Variants in STAC3 observed in about 807,000 individuals in gnomAD.
STAC3 encodes SH3 and cysteine-rich domain-containing protein 3.
Under a neutral mutation model 48.5 loss-of-function variants are expected in STAC3, and 30 were observed. The ratio of observed to expected loss-of-function variants is 0.62; its 90% CI spans 0.46 to 0.84. The LOEUF (loss-of-function observed/expected upper bound fraction) is 0.84, where lower values mean the gene tolerates loss of function less well. STAC3 is among the 40% of genes least tolerant of loss of function. The pLI, the probability that STAC3 is intolerant of heterozygous loss-of-function variation, is 0.00. For synonymous variants in STAC3, 144 were observed against 158.6 expected (o/e 0.91, Z 0.69); for missense variants, 419 against 462.6 (o/e 0.91, Z 0.86).
At chr12:57,245,861 G>A (rs2037727222) in intron 6 of STAC3, among the ~76,000 whole-genome samples, 1 of 151,868 alleles carries the variant, frequency 6.6e-6, no homozygotes, top group Non-Finnish European at 1.5e-5. Flanking sequence ...TGTAATCCCA[G>A]CACTTTGGGA....
chr12:57,245,472 G>A (rs992850291), intron 6 of STAC3, among the ~76,000 whole-genome samples: 4 of 149,768 alleles, frequency 2.7e-5, no homozygotes, highest in Non-Finnish European at 4.4e-5. Flanking sequence ...CCAGGTTCAC[G>A]CCATTCTCCT....
intron 5 of STAC3, among the ~76,000 whole-genome samples, chr12:57,247,426 T>C (rs2037773051): frequency 2.4e-5 from 1 of 41,676 alleles, no homozygotes; most frequent in Non-Finnish European, 4.9e-5. Flanking sequence ...ATTATTATTA[T>C]TATTTTTTTT....
intron 5 of STAC3, among the ~76,000 whole-genome samples, chr12:57,247,219 A>G (rs959109097): frequency 6.6e-6 from 1 of 152,040 alleles, no homozygotes; most frequent in East Asian, 1.9e-4. Flanking sequence ...CAGAATCACT[A>G]TTCTCCTTCT....
At chr12:57,246,656 G>A in intron 6 of STAC3, 148 bp downstream of exon 6, 1 of 689,868 alleles carries the variant, frequency 1.4e-6, no homozygotes, top group Non-Finnish European at 2.5e-6. Context: ...AAAGTGCTGG[G>A]ATTACAGGCG....
intron 5 of STAC3, among the ~76,000 whole-genome samples, chr12:57,247,430 T>TA (rs1450346068): frequency 0.029 from 1,467 of 50,674 alleles, 22 homozygotes; most frequent in African/African-American, 0.082. Flanking sequence ...TTATTATTAT[T>TA]TTTTTTTTTT....
intron 5 of STAC3, among the ~76,000 whole-genome samples, chr12:57,247,719 G>A (rs1195419344): frequency 1.3e-5 from 2 of 152,056 alleles, no homozygotes; most frequent in South Asian, 2.1e-4. Context: ...CACCGCGCCC[G>A]GCCTGGGTTG....
intron 6 of STAC3, among the ~76,000 whole-genome samples, chr12:57,245,931 G>T (rs1462751671): frequency 6.6e-6 from 1 of 151,852 alleles, no homozygotes; most frequent in Non-Finnish European, 1.5e-5. Flanking sequence ...CCAACATGGA[G>T]AAATCTCCTC....
At position 57,243,693 on chromosome 12, in the gene STAC3, G is replaced by A. The variant is rs748537376; in HGVS notation, c.*119C>T. 4.3e-6 allele frequency: 4 copies of A among 936,548 alleles called. No homozygotes were observed. The Admixed American group carries it at 7.9e-5, about 19-fold the overall frequency. 58.0% of individuals were successfully genotyped at this position (936,548 alleles called of 1,614,324 possible). A position where few individuals can be genotyped will look rare whatever the true frequency, so the allele number is the denominator to read the frequency against. ...TTCCCGGAAGCCCCGTCGCGCTCAGGCGGGCCTTCCTACCCCTCCTCTCCC... is the reference window on the plus strand; with the variant it reads ...TTCCCGGAAGCCCCGTCGCGCTCAGACGGGCCTTCCTACCCCTCCTCTCCC... On this transcript the variant is annotated 3_prime_UTR_variant, in exon 12 of 12. Transcript: ENST00000332782.
chr12:57,248,266 G>C (rs2037807275), intron 4 of STAC3, 68 bp from the exon 5 acceptor site: 1 of 1,254,400 alleles, frequency 8.0e-7, no homozygotes, highest in South Asian at 1.2e-5. Context: ...TCTCTCCCAG[G>C]AGTGCTCACC....
At position 57,248,813 on chromosome 12, in the gene STAC3, G is replaced by C. The variant is rs181578623; in HGVS notation, c.335-10C>G. The C allele has an allele frequency of 5.0e-6, 8 of 1,611,044 alleles. No individual in the cohort carries two copies. Among genetic ancestry groups the C allele is most frequent in the Non-Finnish European group, 6.8e-6 (8 of 1,177,250 alleles). On this transcript the variant is annotated splice_polypyrimidine_tract_variant and intron_variant, in intron 3 of 11. Transcript: ENST00000332782. ...CCAAACTTGTTGTTGACTTGGGAAAGGGGGAGAAAATTCAGATAAGGTTCC... is the reference window on the plus strand; with the variant it reads ...CCAAACTTGTTGTTGACTTGGGAAACGGGGAGAAAATTCAGATAAGGTTCC...
intron 5 of STAC3, 147 bp from the exon 6 acceptor site, chr12:57,247,048 G>A (rs1008910374): frequency 7.3e-6 from 5 of 682,208 alleles, no homozygotes; most frequent in Admixed American, 6.7e-5. Flanking sequence ...TTAGGGAAGG[G>A]TCAGCTAGGC....
chr12:57,250,262 C>T (rs770224954), intron 1 of STAC3, among the ~76,000 whole-genome samples: 8 of 151,862 alleles, frequency 5.3e-5, no homozygotes, highest in African/African-American at 7.3e-5. Flanking sequence ...TGGTGGCGGA[C>T]GCCTGTAATC....
Position 57,247,726 on chromosome 12 carries a change from G to T in STAC3, c.505+400C>A, listed in dbSNP as rs571383522. ...ACGTGAGCCACCGCGCCCGGCCTGG[G>T]TTGCCAAATTATGAACCTGCCCAGG... On this transcript the variant is annotated intron_variant, in intron 5 of 11. Transcript: ENST00000332782. 2.4e-4 allele frequency among the ~76,000 whole-genome samples: 36 copies of T among 152,208 alleles called. 1 individual carries two copies. The highest frequency in any genetic ancestry group is 2.4e-3 in the Admixed American group (36 of 15,294).
chr12:57,246,017 G>A lies in STAC3; in HGVS notation c.603+787C>T, dbSNP rs896339607. ...CCAGCTACTCGGGAGGCTGAGGCAG[G>A]ATAATCGCTTGGACCCGGGAGGCAG... On this transcript the variant is annotated intron_variant, in intron 6 of 11. Transcript: ENST00000332782. 4.0e-5 allele frequency among the ~76,000 whole-genome samples: 6 copies of A among 149,186 alleles called. No individual in the cohort carries two copies. The East Asian group carries it at 8.3e-4, about 21-fold the overall frequency.
At chr12:57,248,630 C>A (rs1314838321) in intron 4 of STAC3, 76 bp downstream of exon 4, 1 of 1,199,046 alleles carries the variant, frequency 8.3e-7, no homozygotes, top group Non-Finnish European at 1.2e-6. Context: ...ACCTCAGCCT[C>A]CCAAAGTGCT....
chr12:57,247,419 ATTATTATTATTT>A (rs1472889582), intron 5 of STAC3, among the ~76,000 whole-genome samples: 5,607 of 87,396 alleles, frequency 0.064, 90 homozygotes, highest in South Asian at 0.15. Flanking sequence ...TATTATTATT[ATTATTATTATTT>A]TTTTTTTTTT....
chr12:57,244,123 GGTTCCCCACGAA>G lies in STAC3; in HGVS notation c.949_960del (p.Phe317_Asn320del). The G allele has an allele frequency of 6.2e-7, 1 of 1,614,086 alleles. No individual in the cohort carries two copies. Reference sequence around the variant, plus strand: ...TTGAGAGTGATCTGCCCTATCTCGCGGTTCCCCACGAAGGATCTCGTCACGCGGTGCACACGT... The same window carrying G: ...TTGAGAGTGATCTGCCCTATCTCGCGGGATCTCGTCACGCGGTGCACACGT... On this transcript the variant is annotated inframe_deletion, in exon 11 of 12. Coordinates refer to ENST00000332782, the MANE Select transcript of STAC3 (RefSeq NM_145064.3).
At chr12:57,246,599 A>C (rs1356900126) in intron 6 of STAC3, among the ~76,000 whole-genome samples, 1 of 151,880 alleles carries the variant, frequency 6.6e-6, no homozygotes, top group Admixed American at 6.6e-5. Context: ...TTGGCCAGGC[A>C]GGTTTCGAAC....
intron 6 of STAC3, among the ~76,000 whole-genome samples, chr12:57,245,422 A>G (rs1479093020): frequency 6.7e-6 from 1 of 149,786 alleles, no homozygotes; most frequent in Admixed American, 6.7e-5. Context: ...CCCAGGCTGG[A>G]GTGCAGTGGC....
Sources: allele counts gnomAD v4.1 joint callset (sites outside exome capture counted in the v4.1 genomes callset), GRCh38; gene constraint gnomAD v4.1.1; transcripts MANE v1.5; gene names NCBI Gene and HGNC (gene_info 2026-07-23, HGNC 2026-07-21).